SRGAP3: variants seen among roughly 807,000 people sequenced by gnomAD.
The protein encoded by SRGAP3 is SLIT-ROBO Rho GTPase-activating protein 3.
SRGAP3 carries 39 observed loss-of-function variants against 121.1 expected under a neutral mutation model. That is an observed-to-expected ratio of 0.32 (90% CI 0.25 to 0.42). The LOEUF is 0.42. SRGAP3 is among the 10% of genes least tolerant of loss of function. SRGAP3 has a pLI of 1.00. For synonymous variants in SRGAP3, 601 were observed against 570.0 expected, an observed-to-expected ratio of 1.05 and a Z score of -0.77; for missense variants, 1,213 against 1,470.6, an observed-to-expected ratio of 0.82 and a Z score of 2.86.
chr3:9,151,620 C>A (rs756897311), intron 1 of SRGAP3, among the ~76,000 whole-genome samples: 2 of 152,230 alleles, frequency 1.3e-5, no homozygotes, highest in Non-Finnish European at 2.9e-5. Context: ...ACACTCTAAA[C>A]AACTGGATAA....
intron 7 of SRGAP3, 62 bp from the exon 8 acceptor site, chr3:9,056,396 G>C (rs1364727999): frequency 6.5e-7 from 1 of 1,546,308 alleles, no homozygotes; most frequent in Non-Finnish European, 8.8e-7. Flanking sequence ...TGTGGAGCTA[G>C]GGCAGGGGCT....
chr3:9,263,964 A>G (rs1036770669), intron 3 of SRGAP3, among the ~76,000 whole-genome samples: 4 of 152,222 alleles, frequency 2.6e-5, no homozygotes, highest in African/African-American at 9.6e-5. Flanking sequence ...AGATGCAAAA[A>G]TCCTCAATAA....
At chr3:9,328,836 T>G (rs1014529760) in intron 2 of SRGAP3, among the ~76,000 whole-genome samples, 1 of 152,214 alleles carries the variant, frequency 6.6e-6, no homozygotes, top group Non-Finnish European at 1.5e-5. Context: ...TAGTTAATTT[T>G]GAACTTGCAA....
chr3:9,117,009 C>T (rs574185187), intron 2 of SRGAP3, among the ~76,000 whole-genome samples: 26 of 152,194 alleles, frequency 1.7e-4, no homozygotes, highest in Non-Finnish European at 3.5e-4. Context: ...ACGACCTGCA[C>T]AGCACAGGCA....
intron 1 of SRGAP3, among the ~76,000 whole-genome samples, chr3:9,231,443 C>T (rs969182690): frequency 1.3e-5 from 2 of 152,200 alleles, no homozygotes; most frequent in Non-Finnish European, 2.9e-5. Flanking sequence ...TTTATTTTCT[C>T]CTAGCAATAT....
rs1386231105 is a variant in SRGAP3 at position 9,239,845 on chromosome 3, C to A, written c.67+9040G>T. On this transcript the variant is annotated intron_variant, in intron 1 of 21. Coordinates refer to ENST00000383836, the MANE Select transcript of SRGAP3 (RefSeq NM_014850.4). The surrounding 1 kb of genome is among the most constrained non-coding windows in gnomAD (Gnocchi z 4.0). ...ACTGCTCTCTGAGACAAGTATAAAACATTAGGGAACTGAGCCAGAGGCAAA... is the reference window on the plus strand; with the variant it reads ...ACTGCTCTCTGAGACAAGTATAAAAAATTAGGGAACTGAGCCAGAGGCAAA... Among the ~76,000 whole-genome samples, 3 of 152,162 alleles carry A rather than the reference C, an allele frequency of 2.0e-5. No individual in the cohort carries two copies. The highest frequency in any genetic ancestry group is 2.9e-5 in the Non-Finnish European group (2 of 68,042).
intron 3 of SRGAP3, among the ~76,000 whole-genome samples, chr3:9,092,558 A>G (rs1250267220): frequency 2.0e-5 from 3 of 152,144 alleles, no homozygotes; most frequent in African/African-American, 7.2e-5. Context: ...AGGGTGAGTA[A>G]TTTGCCCAAG....
intron 1 of SRGAP3, among the ~76,000 whole-genome samples, chr3:9,160,031 T>G (rs1950555800): frequency 6.6e-6 from 1 of 152,148 alleles, no homozygotes; most frequent in African/African-American, 2.4e-5. Flanking sequence ...AGGTAGTGGT[T>G]GAGAATGTAA....
exon 3 of SRGAP3, chr3:9,326,127 C>G (rs1316200009): frequency 6.6e-6 from 1 of 151,894 alleles, no homozygotes; most frequent in African/African-American, 2.4e-5. Flanking sequence ...ATGGTAAGGA[C>G]AGTCTTTCTC....
intron 2 of SRGAP3, among the ~76,000 whole-genome samples, chr3:9,111,871 G>C (rs1257278174): frequency 6.6e-6 from 1 of 152,210 alleles, no homozygotes; most frequent in Non-Finnish European, 1.5e-5. Flanking sequence ...GACCCAGCAA[G>C]CAGAAGCTGC....
At chr3:9,250,296 G>A (rs1953977156), upstream of SRGAP3, among the ~76,000 whole-genome samples, 1 of 152,176 alleles carries the variant, frequency 6.6e-6, no homozygotes, top group South Asian at 2.1e-4. Flanking sequence ...ATACAGCAAT[G>A]ATCAGAACTG....
intron 3 of SRGAP3, among the ~76,000 whole-genome samples, chr3:9,103,547 A>G (rs974466157): frequency 6.6e-6 from 1 of 152,220 alleles, no homozygotes; most frequent in African/African-American, 2.4e-5. Context: ...TCATGGAACC[A>G]GGATTATGAA....
chr3:9,347,162 C>T (rs1020024420), intron 1 of SRGAP3, among the ~76,000 whole-genome samples: 6 of 151,618 alleles, frequency 4.0e-5, no homozygotes, highest in Middle Eastern at 3.2e-3. Context: ...AACTCTGTTG[C>T]TTTTTTTGTT....
At chr3:9,077,043 A>T (rs2125253960) in intron 4 of SRGAP3, among the ~76,000 whole-genome samples, 1 of 152,034 alleles carries the variant, frequency 6.6e-6, no homozygotes, top group South Asian at 2.1e-4. Context: ...TACATGTGCC[A>T]TGTTGGTTTG....
At chr3:9,145,745 A>G (rs1483780008) in intron 1 of SRGAP3, among the ~76,000 whole-genome samples, 1 of 152,208 alleles carries the variant, frequency 6.6e-6, no homozygotes, top group Non-Finnish European at 1.5e-5. Context: ...CTCAGGAAGT[A>G]GGGGAGATGG....
intron 4 of SRGAP3, among the ~76,000 whole-genome samples, chr3:9,075,675 A>G (rs1421909450): frequency 6.6e-6 from 1 of 152,002 alleles, no homozygotes; most frequent in Non-Finnish European, 1.5e-5. Flanking sequence ...ACAGACCACC[A>G]CCACCTCCCT....
chr3:9,124,176 T>A (rs763016220), intron 2 of SRGAP3, among the ~76,000 whole-genome samples: 3 of 152,108 alleles, frequency 2.0e-5, no homozygotes, highest in African/African-American at 2.4e-5. Context: ...TCAGGACACA[T>A]GACAGTTTGT....
At chr3:9,321,728 A>G (rs1955441520) in intron 3 of SRGAP3, among the ~76,000 whole-genome samples, 1 of 151,858 alleles carries the variant, frequency 6.6e-6, no homozygotes, top group African/African-American at 2.4e-5. Context: ...ACACAGGAAC[A>G]GAAAACCCAA....
At chr3:9,189,523 G>A (rs1951692582) in intron 1 of SRGAP3, among the ~76,000 whole-genome samples, 1 of 152,000 alleles carries the variant, frequency 6.6e-6, no homozygotes, top group Non-Finnish European at 1.5e-5. Context: ...TACAAGATTT[G>A]GGCAGGGACA....
Sources: allele counts gnomAD v4.1 joint callset (sites outside exome capture counted in the v4.1 genomes callset), GRCh38; gene constraint gnomAD v4.1.1; non-coding constraint Gnocchi (gnomAD v3.1); transcripts MANE v1.5; gene names NCBI Gene and HGNC (gene_info 2026-07-23, HGNC 2026-07-21).